Variants in TMEM178B observed in about 807,000 individuals in gnomAD.
TMEM178B encodes transmembrane protein 178B.
In TMEM178B, 5 loss-of-function variants were observed where a neutral mutation model predicts 31.0. That is an observed-to-expected ratio of 0.16 (90% CI 0.08 to 0.34). The LOEUF (loss-of-function observed/expected upper bound fraction) is 0.34, where lower values mean the gene tolerates loss of function less well. Among genes scored for constraint, TMEM178B ranks in the 10% least tolerant of loss-of-function variants. The probability of loss-of-function intolerance (pLI) is 1.00; values close to 1 mark genes in which losing one functional copy is unlikely to be tolerated. For synonymous variants in TMEM178B, 164 were observed against 164.0 expected, an observed-to-expected ratio of 1.00 and a Z score of 0.00; for missense variants, 275 against 400.3, an observed-to-expected ratio of 0.69 and a Z score of 2.67.
At chr7:141,445,199 G>A (rs943226614) in intron 3 of TMEM178B, among the ~76,000 whole-genome samples, 12 of 152,176 alleles carry the variant, frequency 7.9e-5, no homozygotes, top group East Asian at 1.9e-4. Context: ...ATCTATACCC[G>A]CTCCACCAAG....
intron 2 of TMEM178B, among the ~76,000 whole-genome samples, chr7:141,337,212 T>G (rs868340684): frequency 1.6e-4 from 3 of 18,492 alleles, no homozygotes; most frequent in Admixed American, 5.1e-4. Context: ...ACCACCACCA[T>G]CACCACCACC....
intron 1 of TMEM178B, among the ~76,000 whole-genome samples, chr7:141,122,115 G>T (rs1296260053): frequency 5.3e-5 from 8 of 152,022 alleles, no homozygotes; most frequent in Admixed American, 5.2e-4. Flanking sequence ...AAAATGGCCT[G>T]AATATTTCAC....
intron 2 of TMEM178B, among the ~76,000 whole-genome samples, chr7:141,253,348 C>T (rs1175125089): frequency 6.6e-6 from 1 of 152,178 alleles, no homozygotes; most frequent in Non-Finnish European, 1.5e-5. Flanking sequence ...CCAGGTTCCT[C>T]CTTTCTCCGG....
chr7:141,226,323 C>T (rs1797341217), intron 2 of TMEM178B, among the ~76,000 whole-genome samples: 1 of 152,106 alleles, frequency 6.6e-6, no homozygotes, highest in South Asian at 2.1e-4. Context: ...TAGCTCCAGG[C>T]CGACTACCCT....
the TMEM178B span, among the ~76,000 whole-genome samples, chr7:141,500,335 G>T: frequency 4.6e-5 from 7 of 152,156 alleles, no homozygotes; most frequent in East Asian, 3.8e-4. Context: ...TAAGCCAATG[G>T]GAATGGATGG....
At chr7:141,190,177 A>G (rs1306220302) in intron 1 of TMEM178B, among the ~76,000 whole-genome samples, 1 of 152,182 alleles carries the variant, frequency 6.6e-6, no homozygotes, top group Non-Finnish European at 1.5e-5. Flanking sequence ...CACTTAATAT[A>G]CCTAACCTAC....
intron 1 of TMEM178B, among the ~76,000 whole-genome samples, chr7:141,175,073 T>G (rs1796405602): frequency 6.6e-6 from 1 of 152,238 alleles, no homozygotes; most frequent in African/African-American, 2.4e-5. Context: ...TAGGTTTTCT[T>G]CTAGGGTTTT....
In TMEM178B at chr7:141,470,729, A is replaced by C. The variant is rs182507206; in HGVS notation, c.828A>C (p.Gln276His). The C allele has an allele frequency of 1.4e-3, 2,084 of 1,534,026 alleles. 11 individuals carry two copies. The highest frequency in any genetic ancestry group is 0.013 in the Middle Eastern group (76 of 5,982). Residue 276 changes from glutamine to histidine, a missense_variant, in exon 4 of 4, where the codon CAA becomes CAC. By Grantham distance (24) the Gln-to-His change is conservative. Transcript: ENST00000565468. ...GFFCTLAPSV[Q>H]PVPRTNYPKS... Reference sequence around the variant, plus strand: ...TCTGTACCTTAGCCCCTTCTGTTCAACCTGTCCCGAGGACCAACTACCCTA... The same window carrying C: ...TCTGTACCTTAGCCCCTTCTGTTCACCCTGTCCCGAGGACCAACTACCCTA...
chr7:141,111,017 C>G (rs1795226582), intron 1 of TMEM178B, among the ~76,000 whole-genome samples: 1 of 152,214 alleles, frequency 6.6e-6, no homozygotes, highest in African/African-American at 2.4e-5. Flanking sequence ...AAGTAAACAT[C>G]TGTTGTTTAA....
At chr7:141,372,458 A>G (rs1484448467) in intron 2 of TMEM178B, among the ~76,000 whole-genome samples, 1 of 151,932 alleles carries the variant, frequency 6.6e-6, no homozygotes, top group Non-Finnish European at 1.5e-5. Flanking sequence ...TCTTTACTCA[A>G]ATGTTACCTT....
chr7:141,370,599 C>G (rs1800098487), intron 2 of TMEM178B, among the ~76,000 whole-genome samples: 1 of 122,868 alleles, frequency 8.1e-6, no homozygotes, highest in Non-Finnish European at 1.7e-5. Flanking sequence ...GTAGGATTTC[C>G]TGGAAGACAA....
At chr7:141,191,295 G>A (rs1015929784) in intron 1 of TMEM178B, among the ~76,000 whole-genome samples, 6 of 152,180 alleles carry the variant, frequency 3.9e-5, no homozygotes, top group African/African-American at 1.4e-4. Context: ...GCTCTTATGA[G>A]CAAAGTGGCA....
chr7:141,451,915 G>A (rs1801870822), intron 3 of TMEM178B, among the ~76,000 whole-genome samples: 1 of 152,134 alleles, frequency 6.6e-6, no homozygotes, highest in Non-Finnish European at 1.5e-5. Flanking sequence ...ACTCCTGGCT[G>A]TTCCACCTGT....
intron 2 of TMEM178B, among the ~76,000 whole-genome samples, chr7:141,287,278 A>G (rs150303212): frequency 6.6e-6 from 1 of 152,328 alleles, no homozygotes; most frequent in African/African-American, 2.4e-5. Flanking sequence ...AACTTATTTT[A>G]ACAAGTGGAT....
At chr7:141,280,174 G>A (rs139363240) in intron 2 of TMEM178B, among the ~76,000 whole-genome samples, 1 of 152,200 alleles carries the variant, frequency 6.6e-6, no homozygotes, top group East Asian at 1.9e-4. Context: ...TGGACTCCCT[G>A]CTGGCTTAGA....
At chr7:141,181,056 T>C (rs547635095) in intron 1 of TMEM178B, among the ~76,000 whole-genome samples, 3 of 152,302 alleles carry the variant, frequency 2.0e-5, no homozygotes, top group South Asian at 2.1e-4. Context: ...CCAAGTATGA[T>C]AGTGAACTGC....
At chr7:141,214,367 G>A (rs534112547) in intron 2 of TMEM178B, among the ~76,000 whole-genome samples, 16 of 152,294 alleles carry the variant, frequency 1.1e-4, no homozygotes, top group Non-Finnish European at 1.9e-4. Flanking sequence ...AGTGAATACC[G>A]AGGCCACAGA....
intron 1 of TMEM178B, among the ~76,000 whole-genome samples, chr7:141,075,705 C>T (rs1794590379): frequency 6.6e-6 from 1 of 152,032 alleles, no homozygotes; most frequent in Admixed American, 6.6e-5. Context: ...GTTTTTTTCC[C>T]CTTGTGTTTC....
intron 1 of TMEM178B, among the ~76,000 whole-genome samples, chr7:141,093,458 G>T (rs1563085577): frequency 6.6e-6 from 1 of 152,174 alleles, no homozygotes; most frequent in Non-Finnish European, 1.5e-5. Flanking sequence ...TGCTCAAGGG[G>T]AGATATCAAG....
Sources: allele counts gnomAD v4.1 joint callset (sites outside exome capture counted in the v4.1 genomes callset), GRCh38; gene constraint gnomAD v4.1.1; transcripts MANE v1.5; gene names NCBI Gene and HGNC (gene_info 2026-07-23, HGNC 2026-07-21).